The following DMD variants were observed in gnomAD, a reference collection of about 807,000 sequenced individuals.
DMD encodes mutant dystrophin.
Under a neutral mutation model 330.1 loss-of-function variants are expected in DMD, and 63 were observed. That is an observed-to-expected ratio of 0.19 (90% CI 0.16 to 0.24). The LOEUF (loss-of-function observed/expected upper bound fraction) is 0.24. Among genes scored for constraint, DMD ranks in the 10% least tolerant of loss-of-function variants. DMD has a pLI of 1.00. For synonymous variants in DMD, 1,223 were observed against 959.8 expected (o/e 1.27, Z -5.07); for missense variants, 3,344 against 2,684.1 (o/e 1.25, Z -5.43).
rs768279975 is a variant in DMD, at chrX:32,540,065, G to A, written c.2168+5094C>T. Among the ~76,000 whole-genome samples, 3 of 111,678 alleles carry A rather than the reference G, an allele frequency of 2.7e-5. No homozygotes were observed. The East Asian group carries it at 8.5e-4, about 32-fold the overall frequency. On this transcript the variant is annotated intron_variant, in intron 17 of 78. Transcript: ENST00000357033. Reference sequence around the variant, plus strand: ...AATTTGCCATTCATTCTGCCTGGTTGCTACAAAAGTATAAATTAAAGCTTT... The same window carrying A: ...AATTTGCCATTCATTCTGCCTGGTTACTACAAAAGTATAAATTAAAGCTTT...
At chrX:33,115,164 A>G (rs958788163) in intron 1 of DMD, among the ~76,000 whole-genome samples, 1 of 112,135 alleles carries the variant, frequency 8.9e-6, no homozygotes, top group Non-Finnish European at 1.9e-5. Flanking sequence ...TGAATAAACT[A>G]CTTAATCCTT....
intron 1 of DMD, among the ~76,000 whole-genome samples, chrX:33,254,042 A>G (rs1239981719): frequency 9.0e-6 from 1 of 111,093 alleles, no homozygotes; most frequent in Non-Finnish European, 1.9e-5. Context: ...AGTACATATT[A>G]TTTTGTAAAC....
chrX:32,738,610 A>G (rs1359506849), intron 7 of DMD, among the ~76,000 whole-genome samples: 1 of 111,794 alleles, frequency 8.9e-6, no homozygotes, highest in East Asian at 2.8e-4. Context: ...GACACAGCAG[A>G]ACTAGTAATG....
chrX:33,248,246 T>A (rs1283616748), intron 1 of DMD, among the ~76,000 whole-genome samples: 1 of 111,148 alleles, frequency 9.0e-6, no homozygotes. Context: ...TTTCACCGTG[T>A]TAGCCAGGAT....
At chrX:32,981,397 T>G (rs1041899851) in intron 2 of DMD, among the ~76,000 whole-genome samples, 4 of 111,619 alleles carry the variant, frequency 3.6e-5, no homozygotes, top group African/African-American at 1.3e-4. Flanking sequence ...CGGGCAAATT[T>G]CAATTTTATG....
At chrX:32,072,015 A>C (rs776445744) in intron 44 of DMD, among the ~76,000 whole-genome samples, 1 of 112,211 alleles carries the variant, frequency 8.9e-6, no homozygotes, top group East Asian at 2.8e-4. Context: ...ACAGTCTAAG[A>C]ATTCCATGAG....
Position 32,507,996 on chromosome X carries a change from G to C in DMD, c.2293-6154C>G, listed in dbSNP as rs761402716. On this transcript the variant is annotated intron_variant, in intron 18 of 78. Coordinates refer to ENST00000357033, the MANE Select transcript of DMD (RefSeq NM_004006.3). ...ATTTCAATGGATATTATTCAAAAAG[G>C]TGTGAGCGTATCAGAATATATATCA... Among the ~76,000 whole-genome samples, 10 of 110,015 alleles carry C rather than the reference G, an allele frequency of 9.1e-5. No individual in the cohort carries two copies. In the South Asian group the frequency reaches 2.0e-3, roughly 22 times the overall value.
At chrX:31,801,683 T>C (rs1226167667) in intron 50 of DMD, among the ~76,000 whole-genome samples, 7 of 108,143 alleles carry the variant, frequency 6.5e-5, no homozygotes. Flanking sequence ...TATAAAATCA[T>C]CATGTTGTAT....
chrX:31,282,346 T>C (rs2052682858), intron 62 of DMD, among the ~76,000 whole-genome samples: 1 of 111,457 alleles, frequency 9.0e-6, no homozygotes, highest in Admixed American at 9.6e-5. Flanking sequence ...CAGTAGATCA[T>C]TCATTGGAGG....
intron 47 of DMD, among the ~76,000 whole-genome samples, chrX:31,904,161 C>T (rs758819989): frequency 1.8e-5 from 2 of 111,427 alleles, no homozygotes; most frequent in African/African-American, 3.2e-5. Context: ...TGTCCCCCAA[C>T]CCCATGTACT....
intron 1 of DMD, among the ~76,000 whole-genome samples, chrX:33,277,453 C>T (rs1419472690): frequency 4.5e-5 from 5 of 111,170 alleles, no homozygotes; most frequent in African/African-American, 1.6e-4. Flanking sequence ...AAAATGCAAC[C>T]TCATGGCCCT....
At chrX:31,876,451 G>A (rs993514019) in intron 47 of DMD, among the ~76,000 whole-genome samples, 2 of 111,949 alleles carry the variant, frequency 1.8e-5, no homozygotes, top group African/African-American at 6.5e-5. Context: ...TTAGGACTCA[G>A]TAACGTCATC....
intron 59 of DMD, among the ~76,000 whole-genome samples, chrX:31,448,616 C>T (rs1013867801): frequency 2.7e-5 from 3 of 112,312 alleles, no homozygotes; most frequent in South Asian, 7.4e-4. Flanking sequence ...CTGAGCAATA[C>T]GAGGTGCTAT....
intron 43 of DMD, among the ~76,000 whole-genome samples, chrX:32,223,402 G>A (rs187680748): frequency 5.4e-5 from 6 of 111,541 alleles, no homozygotes; most frequent in East Asian, 5.7e-4. Flanking sequence ...GCACATTATC[G>A]ACACCTGAAT....
At chrX:32,004,580 C>G (rs1281416648) in intron 44 of DMD, among the ~76,000 whole-genome samples, 1 of 111,166 alleles carries the variant, frequency 9.0e-6, no homozygotes, top group Non-Finnish European at 1.9e-5. Context: ...AATAATAGGA[C>G]CTTAGGTAAA....
chrX:32,654,942 G>A (rs2060450304), intron 9 of DMD, among the ~76,000 whole-genome samples: 1 of 111,941 alleles, frequency 8.9e-6, no homozygotes, highest in African/African-American at 3.3e-5. Context: ...GCGTAGAGGT[G>A]TTTACAGTTT....
intron 1 of DMD, among the ~76,000 whole-genome samples, chrX:33,304,007 GTTAT>G (rs1339654102): frequency 2.2e-4 from 24 of 110,887 alleles, no homozygotes; most frequent in African/African-American, 6.2e-4. Flanking sequence ...ATCTTCTGAA[GTTAT>G]TTATTATAAA....
intron 9 of DMD, among the ~76,000 whole-genome samples, chrX:32,658,387 A>G (rs1335889368): frequency 1.8e-5 from 2 of 111,108 alleles, no homozygotes; most frequent in African/African-American, 6.5e-5. Flanking sequence ...GGTATCTTCA[A>G]TTTTGCAGAC....
intron 55 of DMD, among the ~76,000 whole-genome samples, chrX:31,596,745 G>A (rs1210211507): frequency 1.8e-5 from 2 of 111,993 alleles, no homozygotes; most frequent in Non-Finnish European, 3.8e-5. Context: ...ATGACTCAGT[G>A]AGAACATTTA....
Sources: gnomAD v4.1 joint callset for allele counts (sites outside exome capture counted in the v4.1 genomes callset) on GRCh38, gnomAD v4.1.1 for gene constraint, MANE v1.5 for transcripts, NCBI Gene and HGNC (gene_info 2026-07-23, HGNC 2026-07-21) for gene names.